SCN1A: variants seen among roughly 807,000 people sequenced by gnomAD.
SCN1A encodes the protein sodium channel protein type 1 subunit alpha.
A neutral mutation model predicts 193.7 loss-of-function variants in SCN1A; 13 were observed. The ratio of observed to expected loss-of-function variants is 0.07; its 90% confidence interval spans 0.04 to 0.11. The LOEUF (loss-of-function observed/expected upper bound fraction) is 0.11, where lower values mean the gene tolerates loss of function less well. Ranked by LOEUF, SCN1A falls within the 10% of genes least tolerant of loss-of-function variation. The pLI, the probability that SCN1A is intolerant of heterozygous loss-of-function variation, is 1.00. For synonymous variants in SCN1A, 781 were observed against 843.6 expected (o/e 0.93, Z 1.29); for missense variants, 1,432 against 2,451.1 (o/e 0.58, Z 8.78).
chr2:166,143,880 A>G (rs1301544156), intron 1 of SCN1A, among the ~76,000 whole-genome samples: 8 of 152,234 alleles, frequency 5.3e-5, no homozygotes, highest in Admixed American at 4.6e-4. Context: ...TATTCACTTT[A>G]AGACTAAAGA....
chr2:166,054,255 T>A (rs1698897975), intron 7 of SCN1A, among the ~76,000 whole-genome samples: 1 of 151,996 alleles, frequency 6.6e-6, no homozygotes, highest in Non-Finnish European at 1.5e-5. Context: ...CATTGCAAAT[T>A]TGTGTAGCCA....
Position 166,041,346 on chromosome 2 carries a change from T to G in SCN1A, c.2300A>C (p.Asp767Ala). 6.2e-7 allele frequency: 1 copy of G among 1,613,306 alleles called. No individual in the cohort carries two copies. Residue 767 changes from aspartate to alanine, a missense_variant, in exon 16 of 29, where the codon GAC becomes GCC. By Grantham distance (126) the Asp-to-Ala change is moderately radical. Transcript: ENST00000674923. ...GGTGATGGCCAGGTCAACAAATGGG[T>G]CCATCACAACCAGGTTGACAACATG... ...VKHVVNLVVM[D>A]PFVDLAITIC...
At position 166,041,293 on chromosome 2, in the gene SCN1A, T is replaced by A. The variant is rs767045134; in HGVS notation, c.2353A>T (p.Met785Leu). 9 of 1,614,056 alleles carry A rather than the reference T, an allele frequency of 5.6e-6. No homozygotes were observed. In the Admixed American group the frequency reaches 6.7e-5, roughly 12 times the overall value. Residue 785 changes from methionine to leucine, a missense_variant, in exon 16 of 29, where the codon ATG becomes TTG. Met to Leu is a conservative substitution (Grantham distance 15). This residue lies in a region of SCN1A where 93 missense variants were observed against 260.4 expected (regional missense o/e 0.36). Transcript: ENST00000674923. Reference sequence around the variant, plus strand: ...GTCATTGGATAGTGCTCCATGGCCATGAAAAGAGTATTTAAGACAATACAG... The same window carrying A: ...GTCATTGGATAGTGCTCCATGGCCAAGAAAAGAGTATTTAAGACAATACAG... ...TICIVLNTLF[M>L]AMEHYPMTDH...
In SCN1A at chr2:166,044,006, T is replaced by C. The variant is rs796052978; in HGVS notation, c.1706A>G (p.Asn569Ser). ...AAAGCTGAAAAGGCTTGTTCTGCTA[T>C]TTCGCCTTGGTGAAAATAGGGAGCC... ...IRGSLFSPRRNSRTSLFSFRG... is the reference protein window; with the variant it reads ...IRGSLFSPRRSSRTSLFSFRG... The change falls in exon 14 of 29, where the codon AAT (asparagine) becomes AGT (serine). Residue 569 changes from asparagine to serine, a missense_variant. Asn to Ser is a conservative substitution (Grantham distance 46, BLOSUM62 1). Around this residue, in one of 18 missense-constraint regions of SCN1A, gnomAD observed 316 missense variants for 362.1 expected, o/e 0.87. Coordinates refer to ENST00000674923, the MANE Select transcript of SCN1A (RefSeq NM_001165963.4). 5.6e-6 allele frequency: 9 copies of C among 1,614,050 alleles called. No homozygotes were observed. Among genetic ancestry groups the C allele is most frequent in the East Asian group, 2.2e-5 (1 of 44,896 alleles).
In SCN1A at chr2:166,041,475, T is replaced by TAA; in HGVS notation, c.2177-7_2177-6insTT. On this transcript the variant is annotated splice_polypyrimidine_tract_variant and splice_region_variant and intron_variant, in intron 15 of 28. Transcript: ENST00000674923. ...CTGCCTGGATTCTTCAAGTTCTAGA[T>TAA]TAAGAAAAAAAAAAAAAAGAACCAC... 5.0e-6 allele frequency: 7 copies of TAA among 1,413,050 alleles called. No homozygotes were observed. Among genetic ancestry groups the TAA allele is most frequent in the Admixed American group, 2.2e-5 (1 of 46,450 alleles). The allele number at this position is 1,413,050 out of a possible 1,614,324, so 87.5% of individuals were successfully genotyped here.
rs1697487602 is a variant in SCN1A at position 166,043,955 on chromosome 2, G to A, written c.1757C>T (p.Ser586Phe). 2 of 1,614,046 alleles carry A rather than the reference G, an allele frequency of 1.2e-6. No individual in the cohort carries two copies. Among genetic ancestry groups the A allele is most frequent in the African/African-American group, 2.7e-5 (2 of 74,914 alleles). ...CTCATCATCTGCGAAGTCGTTCTCAGATCCCACATCCTTTGCTCGCCCTCT... is the reference window on the plus strand; with the variant it reads ...CTCATCATCTGCGAAGTCGTTCTCAAATCCCACATCCTTTGCTCGCCCTCT... ...SFRGRAKDVG[S>F]ENDFADDEHS... The change falls in exon 14 of 29, where the codon TCT (serine) becomes TTT (phenylalanine). Residue 586 changes from serine to phenylalanine, a missense_variant. Transcript: ENST00000674923.
intron 2 of SCN1A, among the ~76,000 whole-genome samples, chr2:166,089,172 C>T (rs1574442518): frequency 1.3e-5 from 2 of 152,026 alleles, no homozygotes; most frequent in African/African-American, 4.8e-5. Flanking sequence ...AGGCCCCCAC[C>T]CCTCGATAGG....
intron 2 of SCN1A, chr2:166,104,144 A>C (rs1296368342): frequency 6.6e-6 from 1 of 152,258 alleles, no homozygotes; most frequent in Non-Finnish European, 1.5e-5. Context: ...AATTGAAAAG[A>C]GACATAAACA....
intron 2 of SCN1A, among the ~76,000 whole-genome samples, chr2:166,100,579 T>C (rs1687931657): frequency 1.3e-5 from 2 of 150,484 alleles, no homozygotes; most frequent in South Asian, 2.1e-4. Flanking sequence ...ACAGGCAACC[T>C]ACAAAATGGG....
At chr2:166,069,057 CTG>C (rs1559274890) in intron 4 of SCN1A, among the ~76,000 whole-genome samples, 1 of 151,922 alleles carries the variant, frequency 6.6e-6, no homozygotes, top group Non-Finnish European at 1.5e-5. Flanking sequence ...TGAAAGGAAA[CTG>C]TGAAAAAAAG....
chr2:166,143,857 C>T (rs935206322), intron 1 of SCN1A, among the ~76,000 whole-genome samples: 7 of 152,140 alleles, frequency 4.6e-5, no homozygotes, highest in African/African-American at 1.7e-4. Context: ...AGATCATTCA[C>T]GTTCATCTTG....
chr2:166,137,482 A>G (rs538097440), intron 1 of SCN1A: 3 of 152,130 alleles, frequency 2.0e-5, no homozygotes, highest in Non-Finnish European at 2.9e-5. Flanking sequence ...TGTTGTTCTC[A>G]TGATAGTGCA....
intron 4 of SCN1A, chr2:166,060,290 A>G (rs1242487235): frequency 6.6e-6 from 1 of 152,152 alleles, no homozygotes; most frequent in African/African-American, 2.4e-5. Flanking sequence ...ACCTGTGCTT[A>G]CTAGAAGAAC....
intron 24 of SCN1A, 74 bp from the exon 25 acceptor site, chr2:165,999,850 C>G: frequency 9.2e-7 from 1 of 1,086,684 alleles, no homozygotes; most frequent in Non-Finnish European, 1.4e-6. Flanking sequence ...AATATTCTTA[C>G]TGATATAATT....
chr2:166,095,197 C>G (rs944682074), intron 2 of SCN1A, among the ~76,000 whole-genome samples: 3 of 152,128 alleles, frequency 2.0e-5, no homozygotes, highest in African/African-American at 7.2e-5. Context: ...TTATGTCTCT[C>G]TTTAGTTTTC....
In SCN1A at chr2:165,998,110, G is replaced by T; in HGVS notation, c.4404C>A (p.Ile1468=). ...GGTTCAAGGTGAAGAAGGACCCAAAGATGATGAAAATAACAAAGTAAAGAT... is the reference window on the plus strand; with the variant it reads ...GGTTCAAGGTGAAGAAGGACCCAAATATGATGAAAATAACAAAGTAAAGAT... ...YMYLYFVIFI[I]FGSFFTLNLF... is the part of the protein sequence containing the mutation. The change falls in exon 26 of 29, where the codon ATC becomes ATA. Residue 1468 remains isoleucine (I), a synonymous_variant. Coordinates refer to ENST00000674923, the MANE Select transcript of SCN1A (RefSeq NM_001165963.4). 6.2e-7 allele frequency: 1 copy of T among 1,605,296 alleles called. No individual in the cohort carries two copies. Among genetic ancestry groups the T allele is most frequent in the Non-Finnish European group, 8.5e-7 (1 of 1,173,784 alleles).
At chr2:165,997,370 A>G (rs1319186335) in intron 26 of SCN1A, among the ~76,000 whole-genome samples, 1 of 151,416 alleles carries the variant, frequency 6.6e-6, no homozygotes, top group Non-Finnish European at 1.5e-5. Context: ...TATGTGCAGA[A>G]ATACTCTGAA....
intron 1 of SCN1A, among the ~76,000 whole-genome samples, chr2:166,139,061 G>A (rs1691977945): frequency 6.6e-6 from 1 of 152,186 alleles, no homozygotes; most frequent in Non-Finnish European, 1.5e-5. Flanking sequence ...TTGAATGGCT[G>A]TATTTGCCCA....
intron 2 of SCN1A, among the ~76,000 whole-genome samples, chr2:166,099,090 C>T (rs528249714): frequency 2.6e-5 from 4 of 152,256 alleles, no homozygotes; most frequent in African/African-American, 9.6e-5. Flanking sequence ...TGAGGCATCA[C>T]ACCACCCAAC....
Sources: allele counts gnomAD v4.1 joint callset (sites outside exome capture counted in the v4.1 genomes callset), GRCh38; gene constraint gnomAD v4.1.1; regional missense constraint gnomAD v4.1.1; transcripts MANE v1.5; gene names NCBI Gene and HGNC (gene_info 2026-07-23, HGNC 2026-07-21).